PBRM1: variants seen among roughly 807,000 people sequenced by gnomAD.
PBRM1 encodes the protein protein polybromo-1.
PBRM1 carries 27 observed loss-of-function variants against 194.5 expected under a neutral mutation model. That is an observed-to-expected ratio of 0.14 (90% CI 0.10 to 0.19). PBRM1 has a LOEUF of 0.19. Ranked by LOEUF, PBRM1 falls within the 10% of genes least tolerant of loss-of-function variation. The pLI is 1.00. For synonymous variants in PBRM1, 655 were observed against 693.2 expected, an observed-to-expected ratio of 0.94 and a Z score of 0.87; for missense variants, 1,466 against 2,077.2, an observed-to-expected ratio of 0.71 and a Z score of 5.72.
chr3:52,651,896 TCAAA>T (rs1473511742), intron 5 of PBRM1, 86 bp from the exon 7 acceptor site: 25 of 848,822 alleles, frequency 2.9e-5, no homozygotes, highest in South Asian at 2.2e-4. Flanking sequence ...AATCTGTTGT[TCAAA>T]CAACCAGTGA....
At chr3:52,624,992 C>T (rs1176034175) in intron 13 of PBRM1, 51 bp from the exon 15 acceptor site, 7 of 1,231,068 alleles carry the variant, frequency 5.7e-6, no homozygotes, top group Non-Finnish European at 8.2e-6. Context: ...AAACAAGCAA[C>T]ATTGGAGGGT....
At chr3:52,568,542 ATTTC>A (rs932759418) in intron 22 of PBRM1, among the ~76,000 whole-genome samples, 2 of 152,074 alleles carry the variant, frequency 1.3e-5, no homozygotes, top group African/African-American at 4.8e-5. Context: ...GATTAACAAA[ATTTC>A]TTTCTCATGG....
Position 52,567,411 on chromosome 3 carries a change from C to T in PBRM1, c.3692-3178G>A, listed in dbSNP as rs541454862. Among the ~76,000 whole-genome samples the T allele has an allele frequency of 2.0e-5, 3 of 152,094 alleles. No homozygotes were observed. The East Asian group carries it at 5.8e-4, about 29-fold the overall frequency. On this transcript the variant is annotated intron_variant, in intron 22 of 29. Transcript: ENST00000296302. Reference sequence around the variant, plus strand: ...AGCTGGGTTAAAGGGTATGTATACACTTTTTAAATTTTTGTAGGTATTATC... The same window carrying T: ...AGCTGGGTTAAAGGGTATGTATACATTTTTTAAATTTTTGTAGGTATTATC...
intron 20 of PBRM1, among the ~76,000 whole-genome samples, chr3:52,584,845 G>C (rs1404011061): frequency 6.6e-6 from 1 of 152,126 alleles, no homozygotes; most frequent in Non-Finnish European, 1.5e-5. Flanking sequence ...CACTAGAACA[G>C]TAAGCCCCTT....
intron 17 of PBRM1, among the ~76,000 whole-genome samples, chr3:52,597,883 T>C (rs561063339): frequency 6.6e-6 from 1 of 152,312 alleles, no homozygotes; most frequent in African/African-American, 2.4e-5. Context: ...TTTGTATTTT[T>C]AGTCGAGACA....
At chr3:52,675,608 G>A (rs2097080664) in intron 2 of PBRM1, among the ~76,000 whole-genome samples, 1 of 152,134 alleles carries the variant, frequency 6.6e-6, no homozygotes, top group African/African-American at 2.4e-5. Context: ...AAAGCTTTAA[G>A]TATTTTGCCA....
downstream of PBRM1, chr3:52,545,818 G>C: frequency 4.3e-6 from 1 of 232,984 alleles, no homozygotes; most frequent in East Asian, 6.1e-5. Context: ...ATGAAAAAAA[G>C]GTGTATAGTT....
intron 5 of PBRM1, among the ~76,000 whole-genome samples, chr3:52,656,817 T>C (rs1265505809): frequency 1.3e-5 from 2 of 152,168 alleles, no homozygotes; most frequent in Non-Finnish European, 2.9e-5. Flanking sequence ...TATACCCAGC[T>C]ACTTGGGAGG....
intron 12 of PBRM1, among the ~76,000 whole-genome samples, chr3:52,628,576 C>G (rs1374625614): frequency 6.6e-6 from 1 of 151,680 alleles, no homozygotes; most frequent in African/African-American, 2.4e-5. Context: ...GCTTAAGCAA[C>G]CCTCCCACCG....
intron 10 of PBRM1, among the ~76,000 whole-genome samples, chr3:52,641,215 G>A (rs182614476): frequency 9.2e-5 from 14 of 151,804 alleles, no homozygotes; most frequent in Non-Finnish European, 1.8e-4. Context: ...TTCGGAGGCC[G>A]AGGCAGGTGG....
chr3:52,602,336 A>C (rs1179895099), intron 17 of PBRM1, among the ~76,000 whole-genome samples: 1 of 152,176 alleles, frequency 6.6e-6, no homozygotes, highest in African/African-American at 2.4e-5. Flanking sequence ...ACTTAGGTGA[A>C]GTTTGTACTT....
chr3:52,659,363 A>G (rs969858412), intron 4 of PBRM1, among the ~76,000 whole-genome samples: 3 of 152,214 alleles, frequency 2.0e-5, no homozygotes, highest in African/African-American at 4.8e-5. Flanking sequence ...TTAAATCATA[A>G]AAGTACTGGT....
chr3:52,561,612 A>T (rs921872621), intron 25 of PBRM1, among the ~76,000 whole-genome samples, 155 bp downstream of exon 27: 3 of 152,242 alleles, frequency 2.0e-5, no homozygotes, highest in African/African-American at 7.2e-5. Flanking sequence ...GGACAAGGCT[A>T]GCATCTAAAA....
chr3:52,657,082 C>T (rs1395381882), intron 5 of PBRM1, among the ~76,000 whole-genome samples: 1 of 152,174 alleles, frequency 6.6e-6, no homozygotes, highest in Non-Finnish European at 1.5e-5. Context: ...TCTTCTATGA[C>T]GTACCTAGAA....
chr3:52,599,504 C>A (rs1429605997), intron 17 of PBRM1, among the ~76,000 whole-genome samples: 6 of 151,748 alleles, frequency 4.0e-5, no homozygotes. Context: ...AAATGCAAAT[C>A]AAATTTTAAA....
intron 26 of PBRM1, among the ~76,000 whole-genome samples, chr3:52,557,298 A>G (rs1007211004): frequency 1.3e-5 from 2 of 152,242 alleles, no homozygotes; most frequent in Non-Finnish European, 2.9e-5. Flanking sequence ...CGACAATGGA[A>G]AAGTTATCCT....
intron 2 of PBRM1, among the ~76,000 whole-genome samples, chr3:52,673,334 A>C (rs896469471): frequency 3.9e-5 from 6 of 151,918 alleles, no homozygotes; most frequent in Non-Finnish European, 2.9e-5. Context: ...CAGGTGTTAA[A>C]AAACAAAATG....
intron 16 of PBRM1, among the ~76,000 whole-genome samples, chr3:52,607,996 A>G (rs1374389207): frequency 6.6e-6 from 1 of 152,198 alleles, no homozygotes; most frequent in African/African-American, 2.4e-5. Context: ...CCTCTGGCCT[A>G]TTCATTTGAA....
At chr3:52,567,398 G>C (rs1456017952) in intron 22 of PBRM1, among the ~76,000 whole-genome samples, 2 of 151,924 alleles carry the variant, frequency 1.3e-5, no homozygotes, top group Non-Finnish European at 2.9e-5. Flanking sequence ...CTGGGTTAAA[G>C]GGTATGTATA....
Sources: allele counts gnomAD v4.1 joint callset (sites outside exome capture counted in the v4.1 genomes callset), GRCh38; gene constraint gnomAD v4.1.1; transcripts MANE v1.5; gene names NCBI Gene and HGNC (gene_info 2026-07-23, HGNC 2026-07-21).